Variants in NXPE2 observed in about 807,000 individuals in gnomAD.
NXPE2 encodes neurexophilin and PC-esterase domain family member 2.
Under a neutral mutation model 34.4 loss-of-function variants are expected in NXPE2, and 34 were observed. The observed-to-expected ratio is 0.99, with a 90% CI of 0.75 to 1.31. NXPE2 has a LOEUF of 1.31. NXPE2 is among the 40% of genes most tolerant of loss of function. NXPE2 has a pLI of 0.00. For missense variants in NXPE2, 649 were observed against 672.5 expected, an observed-to-expected ratio of 0.97 and a Z score of 0.39; for synonymous variants, 235 against 231.3, an observed-to-expected ratio of 1.02 and a Z score of -0.15.
chr11:114,631,447 C>T, the NXPE2 span, among the ~76,000 whole-genome samples: 8 of 145,366 alleles, frequency 5.5e-5, no homozygotes, highest in Non-Finnish European at 1.0e-4. Flanking sequence ...ACTGCATATT[C>T]TCACTCATAG....
chr11:114,623,889 G>A, the NXPE2 span, among the ~76,000 whole-genome samples: 2 of 152,002 alleles, frequency 1.3e-5, no homozygotes, highest in African/African-American at 2.4e-5. Flanking sequence ...GGGATAGTAA[G>A]TATTGCCCCT....
the NXPE2 span, among the ~76,000 whole-genome samples, chr11:114,634,663 G>T: frequency 6.6e-6 from 1 of 152,000 alleles, no homozygotes; most frequent in African/African-American, 2.4e-5. Context: ...AAGGGATCCA[G>T]TTTCAGCTTT....
chr11:114,513,856 G>A, the NXPE2 span, among the ~76,000 whole-genome samples: 1 of 144,194 alleles, frequency 6.9e-6, no homozygotes, highest in African/African-American at 2.8e-5. Flanking sequence ...TTTCAACAGT[G>A]AAATGCAAAG....
the NXPE2 span, among the ~76,000 whole-genome samples, chr11:114,635,860 G>C: frequency 1.6e-3 from 242 of 152,050 alleles, no homozygotes; most frequent in African/African-American, 5.6e-3. Flanking sequence ...TGCTGTATTC[G>C]GTTTGCCAGT....
chr11:114,796,997 G>C, the NXPE2 span, among the ~76,000 whole-genome samples: 1 of 152,176 alleles, frequency 6.6e-6, no homozygotes, highest in African/African-American at 2.4e-5. Context: ...ACAGAAAGCT[G>C]GAGATGTAAA....
the NXPE2 span, among the ~76,000 whole-genome samples, chr11:114,721,870 T>C: frequency 6.6e-6 from 1 of 152,056 alleles, no homozygotes; most frequent in Non-Finnish European, 1.5e-5. Flanking sequence ...TGTATTCTAC[T>C]GCCCATAGAT....
At chr11:114,619,822 A>G in the NXPE2 span, among the ~76,000 whole-genome samples, 1 of 151,318 alleles carries the variant, frequency 6.6e-6, no homozygotes, top group Non-Finnish European at 1.5e-5. Flanking sequence ...CCAGTTTATA[A>G]TAAGTGTTGC....
At chr11:114,812,783 G>C in the NXPE2 span, among the ~76,000 whole-genome samples, 1 of 152,164 alleles carries the variant, frequency 6.6e-6, no homozygotes. Flanking sequence ...GGAATGGAGT[G>C]AGGGTGAAGG....
At chr11:114,528,953 A>G in the NXPE2 span, 1 of 458,400 alleles carries the variant, frequency 2.2e-6, no homozygotes, top group African/African-American at 1.9e-5. Flanking sequence ...GGGAACAGAA[A>G]CTTAACTGTG....
chr11:114,801,121 A>G, the NXPE2 span, among the ~76,000 whole-genome samples: 1 of 152,248 alleles, frequency 6.6e-6, no homozygotes, highest in African/African-American at 2.4e-5. Context: ...AACAGTAGTG[A>G]AAACACAAAG....
chr11:114,489,835 A>G, the NXPE2 span, among the ~76,000 whole-genome samples: 1 of 152,190 alleles, frequency 6.6e-6, no homozygotes, highest in African/African-American at 2.4e-5. Context: ...CCTATTCAAC[A>G]TAGGGTTGGA....
chr11:114,787,052 C>A, the NXPE2 span, among the ~76,000 whole-genome samples: 2 of 152,158 alleles, frequency 1.3e-5, no homozygotes, highest in Non-Finnish European at 2.9e-5. Context: ...TGCTGCCGCC[C>A]GCAGCTCCCT....
At chr11:114,519,968 T>TCGCCTCC in the NXPE2 span, among the ~76,000 whole-genome samples, 3 of 117,320 alleles carry the variant, frequency 2.6e-5, no homozygotes, top group Middle Eastern at 4.1e-3. Flanking sequence ...CTCGGCGAGC[T>TCGCCTCC]TGCCCGCTAA....
the NXPE2 span, among the ~76,000 whole-genome samples, chr11:114,521,438 C>T: frequency 6.6e-6 from 1 of 152,128 alleles, no homozygotes; most frequent in Admixed American, 6.6e-5. Context: ...TTCCATTTGT[C>T]TTTGATTATT....
chr11:114,616,289 T>A, the NXPE2 span, among the ~76,000 whole-genome samples: 33 of 151,706 alleles, frequency 2.2e-4, 1 homozygote, highest in African/African-American at 6.8e-4. Flanking sequence ...GTAGCCACTG[T>A]AAGCCCCTGG....
the NXPE2 span, among the ~76,000 whole-genome samples, chr11:114,764,150 T>C: frequency 6.6e-6 from 1 of 152,184 alleles, no homozygotes; most frequent in Non-Finnish European, 1.5e-5. Flanking sequence ...CTTACTGCTT[T>C]CCTTCTTTAC....
chr11:114,791,817 G>T, the NXPE2 span, among the ~76,000 whole-genome samples: 1 of 152,206 alleles, frequency 6.6e-6, no homozygotes, highest in African/African-American at 2.4e-5. Context: ...AGCACTTTGG[G>T]AGGCCGAGGC....
chr11:114,713,450 G>T, the NXPE2 span, among the ~76,000 whole-genome samples: 1 of 152,134 alleles, frequency 6.6e-6, no homozygotes, highest in Non-Finnish European at 1.5e-5. Flanking sequence ...TGTATGTGGG[G>T]AATTGGTTGC....
At chr11:114,617,506 C>G in the NXPE2 span, among the ~76,000 whole-genome samples, 31 of 152,118 alleles carry the variant, frequency 2.0e-4, no homozygotes, top group East Asian at 4.3e-3. Flanking sequence ...CCACTGTTAA[C>G]CGGTGGATAA....
Sources: gnomAD v4.1 joint callset for allele counts (sites outside exome capture counted in the v4.1 genomes callset) on GRCh38, gnomAD v4.1.1 for gene constraint, MANE v1.5 for transcripts, NCBI Gene and HGNC (gene_info 2026-07-23, HGNC 2026-07-21) for gene names.